The following SLAIN2 variants were observed in gnomAD, a reference collection of about 807,000 sequenced individuals.
SLAIN2 encodes SLAIN family member 2, also known as SLAIN motif-containing protein 2.
SLAIN2 carries 31 observed loss-of-function variants against 56.6 expected under a neutral mutation model. The ratio of observed to expected loss-of-function variants is 0.55; its 90% CI spans 0.41 to 0.74. The LOEUF is 0.74. Ranked by LOEUF, SLAIN2 falls within the 30% of genes least tolerant of loss-of-function variation. The pLI is 0.00. For synonymous variants in SLAIN2, 317 were observed against 284.9 expected (o/e 1.11, Z -1.13); for missense variants, 777 against 754.2 (o/e 1.03, Z -0.35).
intron 1 of SLAIN2, among the ~76,000 whole-genome samples, chr4:48,346,744 C>T (rs1327377945): frequency 6.6e-6 from 1 of 151,784 alleles, no homozygotes; most frequent in African/African-American, 2.4e-5. Flanking sequence ...TCTTCTGTAC[C>T]AAGGAGATGT....
intron 2 of SLAIN2, among the ~76,000 whole-genome samples, chr4:48,376,729 C>G (rs1372201994): frequency 6.8e-6 from 1 of 146,476 alleles, no homozygotes; most frequent in Non-Finnish European, 1.5e-5. Context: ...TCACGCCATT[C>G]TCCTGCCTCA....
At chr4:48,420,995 TTTTTTGTTTTGTTTTTG>T (rs1400337841) in intron 7 of SLAIN2, among the ~76,000 whole-genome samples, 10 of 152,000 alleles carry the variant, frequency 6.6e-5, no homozygotes, top group South Asian at 6.2e-4. Flanking sequence ...TTTGTTGTTG[TTTTTTGTTTTGTTTTTG>T]TTTTTGTTTT....
At chr4:48,387,303 T>C (rs1192834577) in intron 6 of SLAIN2, 1 of 152,184 alleles carries the variant, frequency 6.6e-6, no homozygotes, top group Non-Finnish European at 1.5e-5. Flanking sequence ...CCTTCTCTAG[T>C]GGTAGAATTA....
intron 7 of SLAIN2, among the ~76,000 whole-genome samples, chr4:48,421,810 G>A (rs1717162817): frequency 6.6e-6 from 1 of 151,514 alleles, no homozygotes; most frequent in Non-Finnish European, 1.5e-5. Flanking sequence ...GAAGTCATCT[G>A]GTGCCCAGTA....
Position 48,378,021 on chromosome 4 carries a change from C to T in SLAIN2, c.664C>T (p.Pro222Ser), listed in dbSNP as rs1715872908. Residue 222 changes from proline to serine, a missense_variant, in exon 3 of 8, where the codon CCT (proline) becomes TCT (serine). Transcript: ENST00000264313. Reference protein sequence around the residue: ...FNSPSSTPVRPPIVKQLILPG... With the variant: ...FNSPSSTPVRSPIVKQLILPG... The stretch of plus-strand genomic sequence containing the variant: ...TTCTCCATCCTCAACCCCAGTGCGA[C>T]CTCCTATAGTCAAACAGCTTATACT... 6.2e-7 allele frequency: 1 copy of T among 1,613,774 alleles called. No individual in the cohort carries two copies. Among genetic ancestry groups the T allele is most frequent in the Non-Finnish European group, 8.5e-7 (1 of 1,179,860 alleles).
At chr4:48,344,204 C>G (rs1489397349) in intron 1 of SLAIN2, among the ~76,000 whole-genome samples, 1 of 152,086 alleles carries the variant, frequency 6.6e-6, no homozygotes, top group Non-Finnish European at 1.5e-5. Flanking sequence ...GTGTCCTATA[C>G]TTTTTCTGAG....
Position 48,342,053 on chromosome 4 carries a change from T to C in SLAIN2, c.314T>C (p.Leu105Ser). 1 of 1,390,970 alleles carries C rather than the reference T, an allele frequency of 7.2e-7. No homozygotes were observed. Among genetic ancestry groups the C allele is most frequent in the South Asian group, 1.6e-5 (1 of 60,770 alleles). The allele number at this position is 1,390,970 out of a possible 1,614,324, so 86.2% of individuals were successfully genotyped here. A position where few individuals can be genotyped will look rare whatever the true frequency, so the allele number is the denominator to read the frequency against. ...TSLLAAGEGG[L>S]LDEVEPLRPD... ...TTGCTAGCGGCGGGCGAGGGCGGCT[T>C]GCTGGACGAGGTGGAGCCGCTGCGG... The change falls in exon 1 of 8, where the codon TTG becomes TCG. Residue 105 changes from leucine (L) to serine (S), a missense_variant. Coordinates refer to ENST00000264313, the MANE Select transcript of SLAIN2 (RefSeq NM_020846.2).
rs1186105261 is a variant in SLAIN2 at position 48,426,167 on chromosome 4, A to G, written c.*4090A>G. On this transcript the variant is annotated 3_prime_UTR_variant, in exon 8 of 8. Transcript: ENST00000264313. ...AGGTCTTTTTTTTTTTAAGGAGAAAATGTTTCTTTTAAATAAATGTTTCTT... is the reference window on the plus strand; with the variant it reads ...AGGTCTTTTTTTTTTTAAGGAGAAAGTGTTTCTTTTAAATAAATGTTTCTT... The G allele has an allele frequency of 1.3e-5, 2 of 151,972 alleles. No homozygotes were observed. Among genetic ancestry groups the G allele is most frequent in the African/African-American group, 2.4e-5 (1 of 41,474 alleles). 9.4% of individuals were successfully genotyped at this position (151,972 alleles called of 1,614,324 possible). A position where few individuals can be genotyped will look rare whatever the true frequency, so the allele number is the denominator to read the frequency against.
rs552544590 is a variant in SLAIN2 at position 48,424,169 on chromosome 4, A to G, written c.*2092A>G. 1.3e-5 allele frequency: 2 copies of G among 152,178 alleles called. No homozygotes were observed. The highest frequency in any genetic ancestry group is 4.8e-5 in the African/African-American group (2 of 41,536). The allele number at this position is 152,178 out of a possible 1,614,324, so 9.4% of individuals were successfully genotyped here. A position where few individuals can be genotyped will look rare whatever the true frequency, so the allele number is the denominator to read the frequency against. On this transcript the variant is annotated 3_prime_UTR_variant, in exon 8 of 8. Coordinates refer to ENST00000264313, the MANE Select transcript of SLAIN2 (RefSeq NM_020846.2). ...TTTTTTTTTATTAAAATATTTCATCACTTGTTAAAACATATTTTTGATCTG... is the reference window on the plus strand; with the variant it reads ...TTTTTTTTTATTAAAATATTTCATCGCTTGTTAAAACATATTTTTGATCTG...
chr4:48,377,343 T>TC (rs937571507), intron 2 of SLAIN2, among the ~76,000 whole-genome samples: 2 of 148,546 alleles, frequency 1.3e-5, no homozygotes, highest in Admixed American at 6.7e-5. Context: ...CTAATTTTTT[T>TC]TTTTTTTTTT....
chr4:48,400,388 CTTTTTTTTTTTTTTTTTT>C (rs3081372), intron 6 of SLAIN2, among the ~76,000 whole-genome samples: 2 of 96,444 alleles, frequency 2.1e-5, no homozygotes, highest in South Asian at 3.1e-4. Context: ...TTTGATTCTT[CTTTTTTTTTTTTTTTTTT>C]TTTTTTTTGA....
At chr4:48,414,333 A>T (rs961908204) in intron 6 of SLAIN2, among the ~76,000 whole-genome samples, 12 of 152,214 alleles carry the variant, frequency 7.9e-5, no homozygotes, top group African/African-American at 2.9e-4. Flanking sequence ...TTGAATATCC[A>T]TCTAGGAAAT....
At chr4:48,393,125 C>T (rs146655456) in intron 6 of SLAIN2, among the ~76,000 whole-genome samples, 4 of 152,078 alleles carry the variant, frequency 2.6e-5, no homozygotes, top group African/African-American at 9.6e-5. Flanking sequence ...GTAATTCCAG[C>T]ACTTCGGGAT....
intron 1 of SLAIN2, among the ~76,000 whole-genome samples, chr4:48,361,866 T>C (rs555600766): frequency 4.6e-5 from 7 of 152,340 alleles, no homozygotes; most frequent in East Asian, 1.9e-4. Flanking sequence ...TAGTTTGCAG[T>C]GTACATCTTG....
At chr4:48,418,536 G>T (rs539134823) in intron 6 of SLAIN2, among the ~76,000 whole-genome samples, 1 of 152,092 alleles carries the variant, frequency 6.6e-6, no homozygotes, top group East Asian at 1.9e-4. Context: ...TTTATATATT[G>T]CTGGATTCTA....
chr4:48,357,597 T>G (rs1715193891), intron 1 of SLAIN2, among the ~76,000 whole-genome samples: 1 of 152,148 alleles, frequency 6.6e-6, no homozygotes, highest in South Asian at 2.1e-4. Flanking sequence ...TTGCCCAGGC[T>G]GGAGTGCAAT....
At chr4:48,348,375 CTA>C (rs1376750960) in intron 1 of SLAIN2, among the ~76,000 whole-genome samples, 1 of 152,042 alleles carries the variant, frequency 6.6e-6, no homozygotes, top group Non-Finnish European at 1.5e-5. Flanking sequence ...CTGTTGCACT[CTA>C]TGTGGGAGCA....
chr4:48,362,895 A>C (rs567586370), intron 1 of SLAIN2, among the ~76,000 whole-genome samples: 1 of 94,220 alleles, frequency 1.1e-5, no homozygotes, highest in African/African-American at 4.2e-5. Context: ...TTTCCTAGGC[A>C]GAGGACCCTG....
intron 6 of SLAIN2, chr4:48,394,587 C>G: frequency 6.5e-7 from 1 of 1,535,844 alleles, no homozygotes; most frequent in Non-Finnish European, 8.7e-7. Context: ...TTCGCAAAGG[C>G]TGAAAAATTT....
Sources: gnomAD v4.1 joint callset for allele counts (sites outside exome capture counted in the v4.1 genomes callset) on GRCh38, gnomAD v4.1.1 for gene constraint, MANE v1.5 for transcripts, NCBI Gene and HGNC (gene_info 2026-07-23, HGNC 2026-07-21) for gene names.